RSRP1: variants seen among roughly 807,000 people sequenced by gnomAD.
RSRP1 encodes arginine/serine-rich protein 1.
In RSRP1, 37 loss-of-function variants were observed where a neutral mutation model predicts 33.0. The observed-to-expected ratio is 1.12, with a 90% CI of 0.86 to 1.48. The LOEUF is 1.48. Ranked by LOEUF, RSRP1 falls within the 40% of genes most tolerant of loss-of-function variation. RSRP1 has a pLI of 0.00. For synonymous variants in RSRP1, 167 were observed against 158.7 expected, an observed-to-expected ratio of 1.05 and a Z score of -0.40; for missense variants, 402 against 385.3, an observed-to-expected ratio of 1.04 and a Z score of -0.36.
chr1:25,280,443 T>C lies in RSRP1; in HGVS notation c.-66-33414A>G, dbSNP rs1355865187. Among the ~76,000 whole-genome samples the C allele has an allele frequency of 8.7e-5, 11 of 126,150 alleles. 3 individuals carry two copies. The East Asian group carries it at 2.0e-3, about 23-fold the overall frequency. The allele number at this position is 126,150 out of a possible 152,430, so 82.8% of individuals were successfully genotyped here. ...GCCTCAGCCTCCTGAGTAGCTGGGA[T>C]TACAGGCATGCGCCACCATGCCAGG... is the stretch of plus-strand genomic sequence containing the variant. On this transcript the variant is annotated intron_variant, in intron 1 of 1. Coordinates refer to the RSRP1 transcript ENST00000561867.
At chr1:25,315,531 G>C (rs28457188) in intron 1 of RSRP1, among the ~76,000 whole-genome samples, 8 of 112,040 alleles carry the variant, frequency 7.1e-5, no homozygotes, top group South Asian at 5.3e-4. Flanking sequence ...GAGTCTCGCT[G>C]TGTTGCCCAG....
intron 1 of RSRP1, among the ~76,000 whole-genome samples, chr1:25,286,499 T>A (rs1642005006): frequency 7.5e-6 from 1 of 133,612 alleles, no homozygotes; most frequent in African/African-American, 2.6e-5. Flanking sequence ...AAAAAACAGT[T>A]TTAGGGGCCG....
Position 25,246,545 on chromosome 1 carries a change from T to C in RSRP1, c.419A>G (p.Tyr140Cys). 1.2e-6 allele frequency: 2 copies of C among 1,614,176 alleles called. 1 individual carries two copies. ...CGGGTACACTGTGCGACCAAAGCCGTAGTAGCGCTGTCCCCGCGCGATCGC... is the reference window on the plus strand; with the variant it reads ...CGGGTACACTGTGCGACCAAAGCCGCAGTAGCGCTGTCCCCGCGCGATCGC... ...AYAIARGQRY[Y>C]GFGRTVYPEE... The change falls in exon 2 of 5, where the codon TAC becomes TGC. Residue 140 changes from tyrosine (Y) to cysteine (C), a missense_variant. By Grantham distance (194) the Tyr-to-Cys change is radical (BLOSUM62 -2). Coordinates refer to ENST00000243189, the MANE Select transcript of RSRP1 (RefSeq NM_020317.5).
At chr1:25,275,106 A>G (rs1640843675) in intron 1 of RSRP1, among the ~76,000 whole-genome samples, 1 of 132,342 alleles carries the variant, frequency 7.6e-6, no homozygotes, top group Admixed American at 7.4e-5. Flanking sequence ...CCTGGCCAAC[A>G]TGGTAAAACC....
Position 25,315,113 on chromosome 1 carries a change from G to A in RSRP1, c.-67+22865C>T, listed in dbSNP as rs1353412814. ...CAGCTACTCGGGAGGCTGAGATCAC[G>A]CCACTGCACTCCAGCCTGGTGACAC... On this transcript the variant is annotated intron_variant, in intron 1 of 1. Transcript: ENST00000561867. 5.4e-5 allele frequency among the ~76,000 whole-genome samples: 7 copies of A among 128,460 alleles called. 1 individual carries two copies. The highest frequency in any genetic ancestry group is 1.5e-4 in the Admixed American group (2 of 13,120). 84.3% of individuals were successfully genotyped at this position (128,460 alleles called of 152,430 possible). A position where few individuals can be genotyped will look rare whatever the true frequency, so the allele number is the denominator to read the frequency against.
chr1:25,274,172 A>G (rs1640732398), intron 1 of RSRP1, among the ~76,000 whole-genome samples: 1 of 132,118 alleles, frequency 7.6e-6, no homozygotes, highest in Non-Finnish European at 1.8e-5. Flanking sequence ...GAACCCTCAC[A>G]ATAACCCAAT....
chr1:25,309,135 C>T (rs913692484), intron 1 of RSRP1, among the ~76,000 whole-genome samples: 3 of 131,898 alleles, frequency 2.3e-5, no homozygotes, highest in Non-Finnish European at 5.4e-5. Context: ...ATTAATTCCA[C>T]AAACAATATT....
Position 25,276,072 on chromosome 1 carries a change from C to T in RSRP1, c.-66-29043G>A, listed in dbSNP as rs1369940323. ...GGTAAACTATAATAGATTATTCAAACCTGCCAATTCTAAAAAGACATTTTG... is the reference window on the plus strand; with the variant it reads ...GGTAAACTATAATAGATTATTCAAATCTGCCAATTCTAAAAAGACATTTTG... On this transcript the variant is annotated intron_variant, in intron 1 of 1. Transcript: ENST00000561867. 2.3e-5 allele frequency among the ~76,000 whole-genome samples: 3 copies of T among 131,750 alleles called. No individual in the cohort carries two copies. The East Asian group carries it at 5.8e-4, about 26-fold the overall frequency. 86.4% of individuals were successfully genotyped at this position (131,750 alleles called of 152,430 possible).
At chr1:25,285,928 T>C (rs1472676064) in intron 1 of RSRP1, among the ~76,000 whole-genome samples, 3 of 134,468 alleles carry the variant, frequency 2.2e-5, no homozygotes, top group Non-Finnish European at 5.3e-5. Flanking sequence ...CATTTCTCTA[T>C]GAGCCAGGAA....
rs1428770591 is a variant in RSRP1, at chr1:25,305,795, T to G, written c.-67+32183A>C. ...TTTTGTGTTTTTAGTAGAGACGGGG[T>G]TTCACCATGTTGGCCCTGCTGGTCT... On this transcript the variant is annotated intron_variant, in intron 1 of 1. Coordinates refer to the RSRP1 transcript ENST00000561867. Among the ~76,000 whole-genome samples, 6 of 129,992 alleles carry G rather than the reference T, an allele frequency of 4.6e-5. 1 individual carries two copies. The highest frequency in any genetic ancestry group is 1.5e-4 in the Admixed American group (2 of 13,344). 85.3% of individuals were successfully genotyped at this position (129,992 alleles called of 152,430 possible). A position where few individuals can be genotyped will look rare whatever the true frequency, so the allele number is the denominator to read the frequency against.
rs538069294 is a variant in RSRP1 at position 25,282,186 on chromosome 1, C to G, written c.-66-35157G>C. ...GCTGATAAGGAAAGTAAGCAACTTA[C>G]AAGACCACAGGGCTATGAAGTGGAA... On this transcript the variant is annotated intron_variant, in intron 1 of 1. Transcript: ENST00000561867. Among the ~76,000 whole-genome samples, 15 of 132,968 alleles carry G rather than the reference C, an allele frequency of 1.1e-4. 3 individuals are homozygous for G. Among genetic ancestry groups the G allele is most frequent in the Admixed American group, 8.0e-4 (11 of 13,666 alleles). The allele number at this position is 132,968 out of a possible 152,430, so 87.2% of individuals were successfully genotyped here. A position where few individuals can be genotyped will look rare whatever the true frequency, so the allele number is the denominator to read the frequency against.
intron 1 of RSRP1, among the ~76,000 whole-genome samples, chr1:25,281,431 T>C (rs1253188600): frequency 7.6e-6 from 1 of 132,108 alleles, no homozygotes; most frequent in Non-Finnish European, 1.8e-5. Context: ...CTGGGCCCTA[T>C]GCATATAGCA....
intron 1 of RSRP1, among the ~76,000 whole-genome samples, chr1:25,270,240 A>G (rs1411770678): frequency 7.6e-6 from 1 of 130,878 alleles, no homozygotes; most frequent in Non-Finnish European, 1.8e-5. Flanking sequence ...CTGTTGGGGT[A>G]GCAGAGGGCT....
chr1:25,249,327 G>A (rs1639700484), upstream of RSRP1, among the ~76,000 whole-genome samples: 1 of 152,024 alleles, frequency 6.6e-6, no homozygotes, highest in African/African-American at 2.4e-5. Context: ...CTAAAAAATG[G>A]TGACCAGAAA....
chr1:25,336,552 T>G (rs1238714967), intron 1 of RSRP1: 2 of 147,442 alleles, frequency 1.4e-5, no homozygotes, highest in African/African-American at 2.7e-5. Flanking sequence ...ATAAAGATGC[T>G]CACTCATATT....
At chr1:25,256,024 C>G (rs1639937141) in intron 1 of RSRP1, among the ~76,000 whole-genome samples, 1 of 152,118 alleles carries the variant, frequency 6.6e-6, no homozygotes. Flanking sequence ...ACATATCAAC[C>G]ATTCGGGCCA....
chr1:25,319,922 C>G (rs1373847004), intron 1 of RSRP1, among the ~76,000 whole-genome samples: 1 of 130,172 alleles, frequency 7.7e-6, no homozygotes, highest in African/African-American at 2.6e-5. Flanking sequence ...TTTTTAGACG[C>G]AGTTTTGCTC....
chr1:25,281,302 A>G (rs1457332029), intron 1 of RSRP1, among the ~76,000 whole-genome samples: 1 of 129,040 alleles, frequency 7.7e-6, no homozygotes, highest in African/African-American at 2.8e-5. Context: ...TCTTCCTTAC[A>G]ATGTACAATT....
rs191331051 is a variant in RSRP1, at chr1:25,256,755, G to A, written c.-66-9726C>T. On this transcript the variant is annotated intron_variant, in intron 1 of 1. Coordinates refer to the RSRP1 transcript ENST00000561867. ...GCTGAGATTACAGGCGTGAGTCACC[G>A]TGCCTGGCTGCCCCATCGAGATCTC... Among the ~76,000 whole-genome samples, 6 of 152,044 alleles carry A rather than the reference G, an allele frequency of 3.9e-5. No homozygotes were observed. In the East Asian group the frequency reaches 9.7e-4, roughly 24 times the overall value.
Sources: gnomAD v4.1 joint callset for allele counts (sites outside exome capture counted in the v4.1 genomes callset) on GRCh38, gnomAD v4.1.1 for gene constraint, MANE v1.5 for transcripts, NCBI Gene and HGNC (gene_info 2026-07-23, HGNC 2026-07-21) for gene names.